The following CAMK1D variants were observed in gnomAD, a reference collection of about 807,000 sequenced individuals.
CAMK1D encodes the protein calcium/calmodulin dependent protein kinase ID.
A neutral mutation model predicts 47.7 loss-of-function variants in CAMK1D; 9 were observed. That is an observed-to-expected ratio of 0.19 (90% CI 0.11 to 0.33). CAMK1D has a LOEUF of 0.33. Among genes scored for constraint, CAMK1D ranks in the 10% least tolerant of loss-of-function variants. CAMK1D has a pLI of 1.00. For synonymous variants in CAMK1D, 184 were observed against 184.9 expected (o/e 0.99, Z 0.04); for missense variants, 291 against 488.7 (o/e 0.60, Z 3.81).
intron 2 of CAMK1D, among the ~76,000 whole-genome samples, chr10:12,634,645 G>T (rs906564159): frequency 3.9e-5 from 6 of 152,114 alleles, no homozygotes; most frequent in South Asian, 2.1e-4. Context: ...CCCCAGAGCC[G>T]CCTGGCTGAC....
chr10:12,473,118 G>C (rs1833798252), intron 1 of CAMK1D, among the ~76,000 whole-genome samples: 1 of 152,174 alleles, frequency 6.6e-6, no homozygotes, highest in Non-Finnish European at 1.5e-5. Flanking sequence ...GGGTGCGCCA[G>C]GTGGAAGCAA....
chr10:12,671,604 T>C (rs1351807542), intron 3 of CAMK1D, among the ~76,000 whole-genome samples: 1 of 151,744 alleles, frequency 6.6e-6, no homozygotes, highest in Non-Finnish European at 1.5e-5. Context: ...TTTGGAGATA[T>C]GTATATATAT....
intron 3 of CAMK1D, among the ~76,000 whole-genome samples, chr10:12,705,397 G>A (rs947028041): frequency 2.0e-5 from 3 of 152,004 alleles, no homozygotes; most frequent in Admixed American, 1.3e-4. Flanking sequence ...GGGGTCAGAG[G>A]TTGCAGTGAG....
intron 3 of CAMK1D, among the ~76,000 whole-genome samples, chr10:12,694,029 AT>A (rs1434489232): frequency 1.4e-5 from 1 of 72,018 alleles, no homozygotes; most frequent in African/African-American, 5.6e-5. Flanking sequence ...TATATAATAT[AT>A]ATAAAATATA....
At chr10:12,616,075 T>C (rs1407437933) in intron 2 of CAMK1D, among the ~76,000 whole-genome samples, 1 of 151,492 alleles carries the variant, frequency 6.6e-6, no homozygotes, top group African/African-American at 2.4e-5. Flanking sequence ...GGCGTGTTTG[T>C]GCGTGTATTG....
chr10:12,515,862 C>T (rs1044515820), intron 1 of CAMK1D, among the ~76,000 whole-genome samples: 6 of 152,018 alleles, frequency 3.9e-5, no homozygotes, highest in South Asian at 2.1e-4. Context: ...CCCCCTGCCT[C>T]GGCCTCCCAA....
intron 1 of CAMK1D, among the ~76,000 whole-genome samples, chr10:12,473,448 A>G (rs1174722039): frequency 6.6e-6 from 1 of 152,142 alleles, no homozygotes; most frequent in Non-Finnish European, 1.5e-5. Context: ...AGAAAAAAAA[A>G]CTGTAACAAT....
rs547456490 is a variant in CAMK1D at position 12,380,570 on chromosome 10, T to C, written c.92+30660T>C. Among the ~76,000 whole-genome samples, 66 of 152,210 alleles carry C rather than the reference T, an allele frequency of 4.3e-4. 1 individual carries two copies. The South Asian group carries it at 0.014, about 32-fold the overall frequency. On this transcript the variant is annotated intron_variant, in intron 1 of 10. Coordinates refer to ENST00000619168, the MANE Select transcript of CAMK1D (RefSeq NM_153498.4). The stretch of plus-strand genomic sequence containing the variant: ...CCAAGTCAATATATGTTTAAGACCA[T>C]TTCTCAGCTGGGCGCAGTGGCTCAT...
intron 2 of CAMK1D, among the ~76,000 whole-genome samples, chr10:12,576,157 C>T (rs935985264): frequency 7.9e-5 from 12 of 152,042 alleles, no homozygotes; most frequent in East Asian, 1.9e-4. Flanking sequence ...TTTCTTTGAT[C>T]GAATTATTTA....
At chr10:12,801,354 T>TATCTATCTTATC (rs57429397) in intron 6 of CAMK1D, among the ~76,000 whole-genome samples, 1,165 of 66,120 alleles carry the variant, frequency 0.018, 16 homozygotes, top group Non-Finnish European at 0.022. Flanking sequence ...TCTATCTATC[T>TATCTATCTTATC]TATCTATCTA....
At chr10:12,792,828 C>T (rs1226318193) in intron 6 of CAMK1D, among the ~76,000 whole-genome samples, 1 of 152,218 alleles carries the variant, frequency 6.6e-6, no homozygotes, top group Non-Finnish European at 1.5e-5. Context: ...ATTGCACTTA[C>T]AGAATGCTTT....
chr10:12,404,672 T>C lies in CAMK1D; in HGVS notation c.92+54762T>C, dbSNP rs549997216. Among the ~76,000 whole-genome samples the C allele has an allele frequency of 2.0e-5, 3 of 151,892 alleles. No homozygotes were observed. In the South Asian group the frequency reaches 6.2e-4, roughly 32 times the overall value. ...AGGGACCTTAGATTTTAATCCGTAA[T>C]GACCAAGAAAACTGTGTTTTTAAAA... On this transcript the variant is annotated intron_variant, in intron 1 of 10. Transcript: ENST00000619168.
chr10:12,690,794 T>C (rs745424757), intron 3 of CAMK1D, among the ~76,000 whole-genome samples: 2 of 151,986 alleles, frequency 1.3e-5, no homozygotes, highest in South Asian at 2.1e-4. Flanking sequence ...TGTCAGGCAG[T>C]TGGGGGCAGT....
intron 2 of CAMK1D, among the ~76,000 whole-genome samples, chr10:12,605,660 T>C (rs1250355906): frequency 6.6e-6 from 1 of 151,996 alleles, no homozygotes; most frequent in Non-Finnish European, 1.5e-5. Flanking sequence ...CAGGTGACAG[T>C]TGGGGAGGAA....
chr10:12,592,532 A>G (rs1838027791), intron 2 of CAMK1D, among the ~76,000 whole-genome samples: 1 of 152,170 alleles, frequency 6.6e-6, no homozygotes, highest in African/African-American at 2.4e-5. Flanking sequence ...GGCATCCCCA[A>G]GTGTCTGTCA....
chr10:12,651,807 C>G (rs1291787562), intron 2 of CAMK1D, among the ~76,000 whole-genome samples: 1 of 151,134 alleles, frequency 6.6e-6, no homozygotes, highest in Admixed American at 6.6e-5. Context: ...GAGACGGAGT[C>G]CCGTTCTGTC....
intron 6 of CAMK1D, among the ~76,000 whole-genome samples, chr10:12,803,179 G>A (rs768441126): frequency 2.1e-4 from 32 of 152,324 alleles, no homozygotes; most frequent in African/African-American, 6.5e-4. Context: ...TGCCTGGCAC[G>A]GTGACAGCTC....
intron 1 of CAMK1D, among the ~76,000 whole-genome samples, chr10:12,453,527 G>A (rs967529007): frequency 6.6e-6 from 1 of 152,128 alleles, no homozygotes; most frequent in African/African-American, 2.4e-5. Flanking sequence ...ATATTCCATT[G>A]TATGGCTAGA....
At chr10:12,507,350 A>C (rs111899421) in intron 1 of CAMK1D, among the ~76,000 whole-genome samples, 2,756 of 152,272 alleles carry the variant, frequency 0.018, 58 homozygotes, top group East Asian at 0.074. Context: ...TGCTTAGAGG[A>C]TTCTGTCCTT....
Sources: allele counts gnomAD v4.1 joint callset (sites outside exome capture counted in the v4.1 genomes callset), GRCh38; gene constraint gnomAD v4.1.1; transcripts MANE v1.5; gene names NCBI Gene and HGNC (gene_info 2026-07-23, HGNC 2026-07-21).